Variants in RGS12 observed in about 807,000 individuals in gnomAD.
The protein encoded by RGS12 is regulator of G-protein signaling 12.
Under a neutral mutation model 120.1 loss-of-function variants are expected in RGS12, and 66 were observed. That is an observed-to-expected ratio of 0.55 (90% confidence interval 0.45 to 0.67). RGS12 has a LOEUF of 0.67. RGS12 is among the 30% of genes least tolerant of loss of function. RGS12 has a pLI of 0.00. For synonymous variants in RGS12, 827 were observed against 804.7 expected (o/e 1.03, Z -0.47); for missense variants, 1,859 against 1,957.7 (o/e 0.95, Z 0.95).
At chr4:3,422,065 T>G (rs1205494064) in intron 10 of RGS12, among the ~76,000 whole-genome samples, 1 of 151,926 alleles carries the variant, frequency 6.6e-6, no homozygotes, top group East Asian at 1.9e-4. Context: ...CAGGGCAGCT[T>G]CAGTGGGCCC....
In RGS12 at chr4:3,414,078, C is replaced by A; in HGVS notation, c.2027C>A (p.Thr676Lys). 6.4e-7 allele frequency: 1 copy of A among 1,558,122 alleles called. No individual in the cohort carries two copies. The highest frequency in any genetic ancestry group is 8.7e-7 in the Non-Finnish European group (1 of 1,155,892). ...ESATVSDGEL[T>K]GADLKDCVSN... ...GTCTGTGCTGGTCCCGCAGAGTTGA[C>A]GGGCGCCGACCTGAAGGACTGCGTC... Residue 676 changes from threonine (T) to lysine (K), a missense_variant, in exon 5 of 18, where the codon ACG (threonine) becomes AAG (lysine). Physicochemically the swap from Thr to Lys is moderately conservative, Grantham distance 78 (BLOSUM62 -1). This residue lies in a region of RGS12 where 967 missense variants were observed against 994.2 expected (regional missense o/e 0.97). Transcript: ENST00000336727.
chr4:3,420,461 G>A (rs1560167758), intron 9 of RGS12, 181 bp from the exon 10 acceptor site: 2 of 665,266 alleles, frequency 3.0e-6, no homozygotes, highest in East Asian at 2.8e-5. Context: ...TGGCTTCCAG[G>A]GTTAGGAAGA....
intron 2 of RGS12, chr4:3,342,515 C>G (rs1165533206): frequency 7.7e-6 from 10 of 1,290,952 alleles, no homozygotes; most frequent in Non-Finnish European, 1.0e-5. Context: ...TGAAAAAGCA[C>G]GACTTTGCTG....
At chr4:3,401,588 C>A (rs951994818) in intron 4 of RGS12, among the ~76,000 whole-genome samples, 1 of 152,246 alleles carries the variant, frequency 6.6e-6, no homozygotes. Flanking sequence ...GTTTTTACTG[C>A]GGTTTTACAG....
At chr4:3,347,643 G>A (rs1713948169) in intron 3 of RGS12, among the ~76,000 whole-genome samples, 1 of 152,164 alleles carries the variant, frequency 6.6e-6, no homozygotes, top group African/African-American at 2.4e-5. Flanking sequence ...AGAATTTTCA[G>A]TTAGTCTGTC....
chr4:3,406,307 A>G (rs1488040641), intron 4 of RGS12, among the ~76,000 whole-genome samples: 3 of 152,276 alleles, frequency 2.0e-5, no homozygotes, highest in African/African-American at 7.2e-5. Context: ...GCCAAGAAGC[A>G]CATGATGGAC....
chr4:3,381,789 T>C (rs932480990), intron 3 of RGS12, among the ~76,000 whole-genome samples: 8 of 152,262 alleles, frequency 5.3e-5, no homozygotes, highest in African/African-American at 1.9e-4. Context: ...ATCAAACTGC[T>C]GTCCTCCAAG....
intron 1 of RGS12, among the ~76,000 whole-genome samples, chr4:3,309,627 G>T (rs61790545): frequency 0.12 from 11,004 of 88,726 alleles, 1,283 homozygotes; most frequent in East Asian, 0.18. Context: ...GCAGGTGTCC[G>T]CTGAGGGGAA....
chr4:3,358,779 C>G (rs532498400), intron 3 of RGS12, among the ~76,000 whole-genome samples: 2 of 151,876 alleles, frequency 1.3e-5, no homozygotes, highest in East Asian at 1.9e-4. Flanking sequence ...GAATATTGGT[C>G]TCTAGTTTTC....
chr4:3,362,674 T>G (rs1715760848), intron 3 of RGS12, among the ~76,000 whole-genome samples: 1 of 126,416 alleles, frequency 7.9e-6, no homozygotes, highest in African/African-American at 3.1e-5. Context: ...AGGCTGAGTG[T>G]GAGGGTGAGG....
intron 1 of RGS12, among the ~76,000 whole-genome samples, chr4:3,311,797 A>C (rs553127820): frequency 2.6e-5 from 4 of 152,310 alleles, no homozygotes; most frequent in Non-Finnish European, 4.4e-5. Flanking sequence ...ATCAGAAAAA[A>C]TCCACAGCCC....
At chr4:3,377,010 ATTC>A (rs1156271008) in intron 3 of RGS12, among the ~76,000 whole-genome samples, 1 of 151,050 alleles carries the variant, frequency 6.6e-6, no homozygotes, top group Non-Finnish European at 1.5e-5. Flanking sequence ...GGATTGTTAA[ATTC>A]TTTTTTTTTT....
intron 3 of RGS12, among the ~76,000 whole-genome samples, chr4:3,352,475 G>A (rs552246845): frequency 9.9e-5 from 15 of 152,010 alleles, no homozygotes; most frequent in African/African-American, 7.3e-5. Flanking sequence ...TAACAAATAG[G>A]GAGGGAGACT....
In RGS12 at chr4:3,395,230, C is replaced by T. The variant is rs147147697; in HGVS notation, c.2020+8793C>T. Among the ~76,000 whole-genome samples the T allele has an allele frequency of 2.7e-3, 401 of 151,258 alleles. 3 individuals are homozygous for T. Among genetic ancestry groups the T allele is most frequent in the African/African-American group, 8.3e-3 (343 of 41,096 alleles). On this transcript the variant is annotated intron_variant, in intron 4 of 17. Coordinates refer to ENST00000336727, the MANE Select transcript of RGS12 (RefSeq NM_001394154.1). ...TCTAAAAAAAAAAAAAAAGACTCAA[C>T]GCAGCGTATGCTGTTTAGTGTCTAG...
intron 3 of RGS12, among the ~76,000 whole-genome samples, chr4:3,375,888 A>G: frequency 6.6e-6 from 1 of 152,204 alleles, no homozygotes; most frequent in Admixed American, 6.5e-5. Context: ...GCACTGACAC[A>G]TTGGAAACCT....
At chr4:3,287,438 T>G in the RGS12 span, among the ~76,000 whole-genome samples, 1 of 152,142 alleles carries the variant, frequency 6.6e-6, no homozygotes, top group African/African-American at 2.4e-5. Flanking sequence ...GCTTCGGTTC[T>G]TTGACAAGAA....
At chr4:3,310,578 A>T (rs1310761821) in intron 1 of RGS12, among the ~76,000 whole-genome samples, 1 of 152,068 alleles carries the variant, frequency 6.6e-6, no homozygotes, top group Non-Finnish European at 1.5e-5. Flanking sequence ...AGGGACTTGG[A>T]GGGCCTCTCA....
At position 3,430,636 on chromosome 4, in the gene RGS12, G is replaced by A. The variant is rs1724174871; in HGVS notation, c.3795G>A (p.Gln1265=). The A allele has an allele frequency of 1.1e-5, 18 of 1,605,090 alleles. No individual in the cohort carries two copies. Among genetic ancestry groups the A allele is most frequent in the Non-Finnish European group, 1.5e-5 (18 of 1,175,724 alleles). ...SQPGEQWEPV[Q]ESSDSPSTSP... is the part of the protein sequence containing the mutation. ...CTGGCGAGCAGTGGGAGCCAGTCCA[G>A]GAGAGCAGCGACAGCCCGTCCACCA... The change falls in exon 17 of 18, where the codon CAG becomes CAA. Residue 1265 remains glutamine (Q), a synonymous_variant. Transcript: ENST00000336727.
At chr4:3,307,486 C>CT (rs1421480517) in intron 1 of RGS12, among the ~76,000 whole-genome samples, 4 of 152,236 alleles carry the variant, frequency 2.6e-5, no homozygotes, top group African/African-American at 4.8e-5. Context: ...CTTACTTTTA[C>CT]TTTTTTAGTA....
Sources: gnomAD v4.1 joint callset for allele counts (sites outside exome capture counted in the v4.1 genomes callset) on GRCh38, gnomAD v4.1.1 for gene constraint, gnomAD v4.1.1 regional missense constraint, MANE v1.5 for transcripts, NCBI Gene and HGNC (gene_info 2026-07-23, HGNC 2026-07-21) for gene names.